GAGE1: variants seen among roughly 807,000 people sequenced by gnomAD.
GAGE1 encodes the protein G antigen 1.
GAGE1 carries 5 observed loss-of-function variants against 5.0 expected under a neutral mutation model. That is an observed-to-expected ratio of 1.00 (90% CI 0.52 to 2.11). The LOEUF (loss-of-function observed/expected upper bound fraction) is 2.11, where lower values mean the gene tolerates loss of function less well. GAGE1 is among the 30% of genes most tolerant of loss of function. GAGE1 has a pLI of 0.01. For missense variants in GAGE1, 9 were observed against 38.9 expected (o/e 0.23, Z 2.04); for synonymous variants, 6 against 14.8 (o/e 0.40, Z 1.37).
intron 3 of GAGE1, among the ~76,000 whole-genome samples, chrX:49,602,169 A>G (rs781791695): frequency 8.8e-6 from 1 of 113,251 alleles, no homozygotes; most frequent in South Asian, 3.5e-4. Flanking sequence ...ATGGATAAAT[A>G]AATACATAAA....
At chrX:49,604,907 A>T in intron 4 of GAGE1, 1 of 325,332 alleles carries the variant, frequency 3.1e-6, no homozygotes, top group Non-Finnish European at 5.5e-6. Context: ...TCCCAGGCTA[A>T]AGCAGTCCTC....
intron 3 of GAGE1, among the ~76,000 whole-genome samples, chrX:49,603,252 G>T (rs2066623994): frequency 3.7e-5 from 2 of 54,773 alleles, no homozygotes; most frequent in African/African-American, 7.6e-5. Context: ...TCTGCAGTTT[G>T]GGCTTTTTCA....
intron 4 of GAGE1, among the ~76,000 whole-genome samples, chrX:49,604,635 G>T (rs1478937293): frequency 8.9e-6 from 1 of 112,392 alleles, no homozygotes; most frequent in Non-Finnish European, 1.9e-5. Context: ...GCTTCGCATG[G>T]TTTGTTAATC....
chrX:49,605,789 G>T (rs1251960585), intron 4 of GAGE1, among the ~76,000 whole-genome samples: 2 of 109,916 alleles, frequency 1.8e-5, no homozygotes, highest in Non-Finnish European at 3.8e-5. Context: ...CGCGCCTGTG[G>T]TCCCAGCTAC....
intron 4 of GAGE1, among the ~76,000 whole-genome samples, chrX:49,604,620 C>A (rs782674670): frequency 2.7e-5 from 3 of 112,393 alleles, no homozygotes; most frequent in East Asian, 5.6e-4. Flanking sequence ...ACACAGAGAT[C>A]ATCTGCTTCG....
rs1180864331 is a variant in GAGE1, at chrX:49,607,917, T to G, written c.*1902T>G. On this transcript the variant is annotated 3_prime_UTR_variant, in exon 5 of 5. Coordinates refer to ENST00000381700, the MANE Select transcript of GAGE1 (RefSeq NM_001040663.4). ...TGTGTACATGTATGACCTCTTTAGA[T>G]CCTCACAAGATAAGGCAGAATTTTC... 1 of 111,667 alleles carries G rather than the reference T, an allele frequency of 9.0e-6. No individual in the cohort carries two copies. The highest frequency in any genetic ancestry group is 1.9e-5 in the Non-Finnish European group (1 of 53,204). 9.2% of individuals were successfully genotyped at this position (111,667 alleles called of 1,213,427 possible). A position where few individuals can be genotyped will look rare whatever the true frequency, so the allele number is the denominator to read the frequency against.
At chrX:49,605,929 T>TAAA in intron 4 of GAGE1, 64 bp from the exon 5 acceptor site, 5 of 562,000 alleles carry the variant, frequency 8.9e-6, no homozygotes, top group Non-Finnish European at 1.2e-5. Context: ...ATAATAATAA[T>TAAA]AATAATAATA....
At chrX:49,602,606 T>C (rs1557131141) in intron 3 of GAGE1, among the ~76,000 whole-genome samples, 2 of 86,719 alleles carry the variant, frequency 2.3e-5, no homozygotes. Flanking sequence ...TTACTGTTAT[T>C]AATGCTGAAT....
chrX:49,602,479 T>A lies in GAGE1; in HGVS notation c.206-1189T>A, dbSNP rs1157285977. Among the ~76,000 whole-genome samples the A allele has an allele frequency of 2.7e-5, 2 of 75,444 alleles. 1 individual carries two copies. The highest frequency in any genetic ancestry group is 6.8e-5 in the Non-Finnish European group (2 of 29,508). 65.5% of individuals were successfully genotyped at this position (75,444 alleles called of 115,157 possible). A position where few individuals can be genotyped will look rare whatever the true frequency, so the allele number is the denominator to read the frequency against. On this transcript the variant is annotated intron_variant, in intron 3 of 4. Coordinates refer to ENST00000381700, the MANE Select transcript of GAGE1 (RefSeq NM_001040663.4). ...ACAATGAACTCATATACTGTTCATC[T>A]GGATTCACCAATTGTTAGTAGCTTT...
rs782653209 is a variant in GAGE1, at chrX:49,606,855, C to G, written c.*840C>G. ...TACTTTTGTCATGTTGCATGAAAAA[C>G]ATTTTGCTTCATGTTTGATTCTGTA... is the stretch of plus-strand genomic sequence containing the variant. On this transcript the variant is annotated 3_prime_UTR_variant, in exon 5 of 5. Coordinates refer to ENST00000381700, the MANE Select transcript of GAGE1 (RefSeq NM_001040663.4). 1 of 112,438 alleles carries G rather than the reference C, an allele frequency of 8.9e-6. No individual in the cohort carries two copies. The highest frequency in any genetic ancestry group is 1.9e-5 in the Non-Finnish European group (1 of 53,312). 9.3% of individuals were successfully genotyped at this position (112,438 alleles called of 1,213,427 possible).
Position 49,606,751 on chromosome X carries a change from C to G in GAGE1, c.*736C>G, listed in dbSNP as rs1387567900. ...AATATATGTTGAATTTCATCAAACA[C>G]TGACCTGAGTCATCTTAAAACATGT... On this transcript the variant is annotated 3_prime_UTR_variant, in exon 5 of 5. Transcript: ENST00000381700. The G allele has an allele frequency of 8.9e-6, 1 of 112,046 alleles. No homozygotes were observed. 9.2% of individuals were successfully genotyped at this position (112,046 alleles called of 1,213,427 possible). A position where few individuals can be genotyped will look rare whatever the true frequency, so the allele number is the denominator to read the frequency against.
At chrX:49,605,116 G>A (rs782404156) in intron 4 of GAGE1, 28 of 1,006,307 alleles carry the variant, frequency 2.8e-5, no homozygotes, top group African/African-American at 1.6e-4. Flanking sequence ...GCAAGAGACC[G>A]TTTAGTTCCT....
intron 4 of GAGE1, chrX:49,605,201 C>T (rs1168969714): frequency 1.2e-6 from 1 of 869,006 alleles, no homozygotes; most frequent in Non-Finnish European, 1.5e-6. Flanking sequence ...ATGCTCCCTG[C>T]CCCACTGTCA....
At chrX:49,604,005 G>T (rs1357837591) in intron 4 of GAGE1, among the ~76,000 whole-genome samples, 1 of 112,652 alleles carries the variant, frequency 8.9e-6, no homozygotes, top group South Asian at 3.7e-4. Context: ...GGCGTGCTCC[G>T]CCGTGCCCAG....
At chrX:49,605,782 G>A (rs782315687) in intron 4 of GAGE1, among the ~76,000 whole-genome samples, 3 of 110,134 alleles carry the variant, frequency 2.7e-5, no homozygotes, top group Non-Finnish European at 3.8e-5. Flanking sequence ...GGTGGCACGC[G>A]CCTGTGGTCC....
Position 49,604,394 on chromosome X carries a change from A to G in GAGE1, c.331+601A>G, listed in dbSNP as rs375300317. On this transcript the variant is annotated intron_variant, in intron 4 of 4. Transcript: ENST00000381700. ...TCTGCTTTTAATCAATACATAACAC[A>G]TTTGTAACACCCATCACTTGGTGTG... 8.0e-4 allele frequency among the ~76,000 whole-genome samples: 90 copies of G among 112,452 alleles called. No individual in the cohort carries two copies. In the South Asian group the frequency reaches 0.025, roughly 32 times the overall value.
chrX:49,604,976 AT>A (rs782191004), intron 4 of GAGE1: 513 of 810,028 alleles, frequency 6.3e-4, no homozygotes, highest in African/African-American at 1.9e-3. Flanking sequence ...CCTGAGTAAA[AT>A]TTTTTTTTTC....
At chrX:49,605,500 G>A (rs782056874) in intron 4 of GAGE1, among the ~76,000 whole-genome samples, 1 of 112,277 alleles carries the variant, frequency 8.9e-6, no homozygotes, top group Non-Finnish European at 1.9e-5. Context: ...TACTCTCAAA[G>A]TGTATTCCGA....
At position 49,604,547 on chromosome X, in the gene GAGE1, T is replaced by C. The variant is rs782555235; in HGVS notation, c.331+754T>C. On this transcript the variant is annotated intron_variant, in intron 4 of 4. Coordinates refer to ENST00000381700, the MANE Select transcript of GAGE1 (RefSeq NM_001040663.4). ...GAAAATAGTGAGTTTAAGTCAGAGA[T>C]TTTAAAACCATTTTCCATTCCGGTT... is the stretch of plus-strand genomic sequence containing the variant. Among the ~76,000 whole-genome samples the C allele has an allele frequency of 1.2e-4, 14 of 112,072 alleles. No individual in the cohort carries two copies. In the South Asian group the frequency reaches 4.8e-3, roughly 39 times the overall value.
Sources: gnomAD v4.1 joint callset for allele counts (sites outside exome capture counted in the v4.1 genomes callset) on GRCh38, gnomAD v4.1.1 for gene constraint, MANE v1.5 for transcripts, NCBI Gene and HGNC (gene_info 2026-07-23, HGNC 2026-07-21) for gene names.